Variants in RUNX2 observed in about 807,000 individuals in gnomAD.
RUNX2 encodes the protein runt-related transcription factor 2.
Under a neutral mutation model 51.7 loss-of-function variants are expected in RUNX2, and 10 were observed. The ratio of observed to expected loss-of-function variants is 0.19; its 90% CI spans 0.12 to 0.33. The LOEUF is 0.33. RUNX2 is among the 10% of genes least tolerant of loss of function. The pLI, the probability that RUNX2 is intolerant of heterozygous loss-of-function variation, is 1.00. For synonymous variants in RUNX2, 276 were observed against 273.6 expected (o/e 1.01, Z -0.09); for missense variants, 562 against 691.3 (o/e 0.81, Z 2.10).
intron 2 of RUNX2, among the ~76,000 whole-genome samples, chr6:45,404,024 C>T (rs1429747514): frequency 1.3e-5 from 2 of 151,850 alleles, no homozygotes; most frequent in Non-Finnish European, 2.9e-5. Flanking sequence ...CTTTGGGAGG[C>T]CAAGGTGGGT....
At chr6:45,407,593 A>G (rs1237239277) in intron 2 of RUNX2, among the ~76,000 whole-genome samples, 1 of 152,120 alleles carries the variant, frequency 6.6e-6, no homozygotes, top group Non-Finnish European at 1.5e-5. Flanking sequence ...CCTGGCCTCA[A>G]GAAATTCTCC....
At chr6:45,354,212 A>G (rs1792658293) in intron 2 of RUNX2, among the ~76,000 whole-genome samples, 1 of 152,190 alleles carries the variant, frequency 6.6e-6, no homozygotes, top group South Asian at 2.1e-4. Flanking sequence ...CATTTTTAAT[A>G]ATAGTGGAAA....
intron 7 of RUNX2, among the ~76,000 whole-genome samples, chr6:45,516,971 T>G (rs1801349487): frequency 6.6e-6 from 1 of 152,010 alleles, no homozygotes; most frequent in African/African-American, 2.4e-5. Flanking sequence ...TGCAAATAAC[T>G]CCTCCACTAT....
intron 3 of RUNX2, among the ~76,000 whole-genome samples, chr6:45,426,389 G>C (rs764743270): frequency 6.6e-6 from 1 of 152,124 alleles, no homozygotes; most frequent in Non-Finnish European, 1.5e-5. Flanking sequence ...GAAGTAATTT[G>C]CAAATTCAGC....
At chr6:45,512,922 T>G (rs1309743875) in intron 7 of RUNX2, among the ~76,000 whole-genome samples, 1 of 152,086 alleles carries the variant, frequency 6.6e-6, no homozygotes, top group Non-Finnish European at 1.5e-5. Flanking sequence ...CCTGGAAGAA[T>G]CTTAAAAGAC....
chr6:45,371,834 C>T (rs1021646666), intron 2 of RUNX2: 3 of 984,324 alleles, frequency 3.0e-6, no homozygotes, highest in Non-Finnish European at 3.6e-6. Flanking sequence ...TCTGAGCAGA[C>T]TTCAGAACTA....
intron 2 of RUNX2, among the ~76,000 whole-genome samples, chr6:45,417,312 T>C (rs898586556): frequency 6.6e-6 from 1 of 150,602 alleles, no homozygotes; most frequent in Non-Finnish European, 1.5e-5. Context: ...AGTTAATGTG[T>C]TCCCACTATA....
At chr6:45,403,816 T>A (rs7770471) in intron 2 of RUNX2, among the ~76,000 whole-genome samples, 53,129 of 151,916 alleles carry the variant, frequency 0.35, 9,526 homozygotes, top group African/African-American at 0.39. Context: ...AAACATGTAA[T>A]TATATATCAA....
At chr6:45,405,135 T>G (rs1003332821) in intron 2 of RUNX2, among the ~76,000 whole-genome samples, 6 of 152,266 alleles carry the variant, frequency 3.9e-5, no homozygotes, top group Non-Finnish European at 7.3e-5. Context: ...TAATTCTCCA[T>G]AAAATCTTAT....
intron 2 of RUNX2, among the ~76,000 whole-genome samples, chr6:45,417,586 T>A (rs1381563078): frequency 6.6e-6 from 1 of 152,230 alleles, no homozygotes; most frequent in Non-Finnish European, 1.5e-5. Flanking sequence ...TTTTCTGCTA[T>A]CTCACTCCTC....
chr6:45,528,113 T>A (rs1338674227), intron 7 of RUNX2, among the ~76,000 whole-genome samples: 3 of 152,100 alleles, frequency 2.0e-5, no homozygotes, highest in Non-Finnish European at 2.9e-5. Flanking sequence ...CTCATGAGAC[T>A]TATTCACTAT....
chr6:45,485,177 T>G (rs771799501), intron 5 of RUNX2, among the ~76,000 whole-genome samples: 1 of 151,354 alleles, frequency 6.6e-6, no homozygotes, highest in Non-Finnish European at 1.5e-5. Flanking sequence ...TCTTTTTCCT[T>G]TCTTTTCTTT....
chr6:45,364,193 G>T (rs1303365045), intron 2 of RUNX2, among the ~76,000 whole-genome samples: 1 of 151,792 alleles, frequency 6.6e-6, no homozygotes, highest in East Asian at 1.9e-4. Context: ...TATTCTTCAG[G>T]ATCTTCAATG....
At chr6:45,425,306 G>T (rs1467648839) in intron 3 of RUNX2, among the ~76,000 whole-genome samples, 1 of 152,124 alleles carries the variant, frequency 6.6e-6, no homozygotes, top group African/African-American at 2.4e-5. Flanking sequence ...TTGCACTTTA[G>T]CTTGAGCTAG....
At chr6:45,366,566 T>G (rs566330587) in intron 2 of RUNX2, among the ~76,000 whole-genome samples, 2 of 152,340 alleles carry the variant, frequency 1.3e-5, no homozygotes, top group Non-Finnish European at 2.9e-5. Context: ...CTCCTTTATC[T>G]GCTAAAAACT....
intron 5 of RUNX2, among the ~76,000 whole-genome samples, chr6:45,443,451 G>A (rs1798898826): frequency 6.6e-6 from 1 of 152,028 alleles, no homozygotes; most frequent in South Asian, 2.1e-4. Context: ...TGGATTTAAG[G>A]GAAAAAAACC....
chr6:45,328,916 G>A, intron 2 of RUNX2, 132 bp downstream of exon 2: 2 of 970,524 alleles, frequency 2.1e-6, no homozygotes, highest in Non-Finnish European at 3.2e-6. Flanking sequence ...GTTGCATTAA[G>A]AATTGAAAAA....
intron 2 of RUNX2, among the ~76,000 whole-genome samples, chr6:45,419,440 G>A (rs939318438): frequency 1.3e-5 from 2 of 151,674 alleles, no homozygotes; most frequent in African/African-American, 4.8e-5. Context: ...AAAAAAAAAA[G>A]GCAGGAAAAA....
At chr6:45,367,532 T>C (rs555743428) in intron 2 of RUNX2, among the ~76,000 whole-genome samples, 90 of 152,078 alleles carry the variant, frequency 5.9e-4, no homozygotes, top group South Asian at 1.0e-3. Context: ...TCCTGCAGAA[T>C]TGGGACAAAA....
Sources: allele counts gnomAD v4.1 joint callset (sites outside exome capture counted in the v4.1 genomes callset), GRCh38; gene constraint gnomAD v4.1.1; transcripts MANE v1.5; gene names NCBI Gene and HGNC (gene_info 2026-07-23, HGNC 2026-07-21).